SPATA18: variants seen among roughly 807,000 people sequenced by gnomAD.
SPATA18 encodes the protein mitochondria-eating protein.
A neutral mutation model predicts 68.1 loss-of-function variants in SPATA18; 54 were observed. The observed-to-expected ratio is 0.79, with a 90% confidence interval of 0.64 to 0.99. The LOEUF is 0.99. Ranked by LOEUF, SPATA18 falls within the 50% of genes least tolerant of loss-of-function variation. The pLI, the probability that SPATA18 is intolerant of heterozygous loss-of-function variation, is 0.00. For synonymous variants in SPATA18, 242 were observed against 244.8 expected, an observed-to-expected ratio of 0.99 and a Z score of 0.11; for missense variants, 724 against 681.1, an observed-to-expected ratio of 1.06 and a Z score of -0.70.
intron 3 of SPATA18, among the ~76,000 whole-genome samples, chr4:52,061,700 T>A (rs957986883): frequency 4.6e-5 from 7 of 152,040 alleles, no homozygotes; most frequent in African/African-American, 1.4e-4. Flanking sequence ...GTTTTGCTGA[T>A]CTAAAAGGTT....
chr4:52,078,964 C>A, intron 8 of SPATA18, 71 bp downstream of exon 8: 2 of 1,379,682 alleles, frequency 1.4e-6, no homozygotes, highest in Non-Finnish European at 1.9e-6. Context: ...ACTAATAACT[C>A]AGAAATCCAT....
chr4:52,084,032 C>T (rs935236012), intron 10 of SPATA18, among the ~76,000 whole-genome samples: 1 of 138,144 alleles, frequency 7.2e-6, no homozygotes, highest in Non-Finnish European at 1.6e-5. Flanking sequence ...AACCACCACA[C>T]CCGGCCTGAG....
intron 4 of SPATA18, among the ~76,000 whole-genome samples, chr4:52,068,301 C>A (rs1429632799): frequency 6.6e-6 from 1 of 152,126 alleles, no homozygotes; most frequent in East Asian, 1.9e-4. Context: ...GCTTTCTTTT[C>A]ATTTTTAGAC....
rs148916129 is a variant in SPATA18 at position 52,069,302 on chromosome 4, A to C, written c.423-519A>C. Among the ~76,000 whole-genome samples the C allele has an allele frequency of 3.5e-4, 53 of 152,354 alleles. No individual in the cohort carries two copies. In the East Asian group the frequency reaches 5.6e-3, roughly 16 times the overall value. On this transcript the variant is annotated intron_variant, in intron 4 of 12. Coordinates refer to ENST00000295213, the MANE Select transcript of SPATA18 (RefSeq NM_145263.4). ...AGAATTTGTGCTCAATAAGTAGTAGAAGTCAGAGGCAGGAAGACATGAAGT... is the reference window on the plus strand; with the variant it reads ...AGAATTTGTGCTCAATAAGTAGTAGCAGTCAGAGGCAGGAAGACATGAAGT...
intron 10 of SPATA18, 25 bp downstream of exon 10, chr4:52,082,535 A>G (rs1028282104): frequency 2.3e-5 from 37 of 1,613,846 alleles, no homozygotes; most frequent in Non-Finnish European, 3.0e-5. Context: ...CATAGTGACA[A>G]TTCATCCCAA....
At chr4:52,087,819 A>G (rs765330754) in intron 11 of SPATA18, among the ~76,000 whole-genome samples, 17 of 152,188 alleles carry the variant, frequency 1.1e-4, no homozygotes, top group Non-Finnish European at 2.9e-5. Flanking sequence ...AGTCAGTGGT[A>G]GCTTGATGGA....
chr4:52,077,882 G>A lies in SPATA18; in HGVS notation c.1020+842G>A, dbSNP rs1452172188. On this transcript the variant is annotated intron_variant, in intron 7 of 12. Transcript: ENST00000295213. ...TGGGTTAGTGTCATACTAAGATACTGAGAGTTCATGAGGAGAATTGTTAAA... is the reference window on the plus strand; with the variant it reads ...TGGGTTAGTGTCATACTAAGATACTAAGAGTTCATGAGGAGAATTGTTAAA... 2.6e-5 allele frequency among the ~76,000 whole-genome samples: 4 copies of A among 152,126 alleles called. No individual in the cohort carries two copies. The South Asian group carries it at 6.2e-4, about 24-fold the overall frequency.
chr4:52,094,861 T>A lies in SPATA18; in HGVS notation c.1610-19T>A. 1 of 1,613,952 alleles carries A rather than the reference T, an allele frequency of 6.2e-7. No individual in the cohort carries two copies. The highest frequency in any genetic ancestry group is 1.3e-5 in the African/African-American group (1 of 75,046). On this transcript the variant is annotated intron_variant, in intron 12 of 12. Coordinates refer to ENST00000295213, the MANE Select transcript of SPATA18 (RefSeq NM_145263.4). Reference sequence around the variant, plus strand: ...GAAGAAAGTGACCATAATAATGAACTGTCTATTTTTCTCCCTAGGATTTTA... The same window carrying A: ...GAAGAAAGTGACCATAATAATGAACAGTCTATTTTTCTCCCTAGGATTTTA...
intron 1 of SPATA18, among the ~76,000 whole-genome samples, chr4:52,059,957 A>G (rs1375755129): frequency 2.6e-5 from 4 of 152,160 alleles, no homozygotes; most frequent in Non-Finnish European, 5.9e-5. Context: ...ATAAAAAACA[A>G]CCTCCAAATC....
intron 7 of SPATA18, 133 bp from the exon 8 acceptor site, chr4:52,078,602 G>T: frequency 1.4e-6 from 1 of 710,352 alleles, no homozygotes; most frequent in Non-Finnish European, 2.2e-6. Flanking sequence ...GACTAAAAAT[G>T]TTTTTGATCA....
At chr4:52,085,077 A>G in intron 11 of SPATA18, 78 bp downstream of exon 11, 1 of 1,165,928 alleles carries the variant, frequency 8.6e-7, no homozygotes, top group South Asian at 1.3e-5. Context: ...AGCAATACAA[A>G]AGAGGTGATT....
intron 5 of SPATA18, among the ~76,000 whole-genome samples, chr4:52,071,436 A>T (rs368804208): frequency 6.6e-6 from 1 of 152,182 alleles, no homozygotes; most frequent in Non-Finnish European, 1.5e-5. Flanking sequence ...TCATATTCCA[A>T]CTGTTCAGAG....
intron 7 of SPATA18, among the ~76,000 whole-genome samples, 184 bp downstream of exon 7, chr4:52,077,224 TTTCCTTCC>T (rs1304546799): frequency 6.6e-6 from 1 of 150,534 alleles, no homozygotes; most frequent in Admixed American, 6.6e-5. Context: ...TCCTTTCCTA[TTTCCTTCC>T]TTCCTTCCTT....
In SPATA18 at chr4:52,051,681, T is replaced by C. The variant is rs915802192; in HGVS notation, c.-24T>C. The C allele has an allele frequency of 6.8e-6, 11 of 1,612,804 alleles. No homozygotes were observed. The highest frequency in any genetic ancestry group is 9.3e-6 in the Non-Finnish European group (11 of 1,178,862). ...CCCCCCAAGTCTCCATCGCGCAGCG[T>C]GGGGCCGAGAGGAATAGTGAGCGAT... is the stretch of plus-strand genomic sequence containing the variant. On this transcript the variant is annotated 5_prime_UTR_variant, in exon 1 of 13. Transcript: ENST00000295213.
chr4:52,066,778 G>T (rs1739353857), intron 4 of SPATA18, among the ~76,000 whole-genome samples: 1 of 152,144 alleles, frequency 6.6e-6, no homozygotes, highest in African/African-American at 2.4e-5. Context: ...TCCTGCGTTA[G>T]TTTGCTGAAG....
chr4:52,062,224 C>A lies in SPATA18; in HGVS notation c.314C>A (p.Thr105Lys). 2.0e-6 allele frequency: 3 copies of A among 1,516,164 alleles called. No individual in the cohort carries two copies. The highest frequency in any genetic ancestry group is 1.9e-5 in the Admixed American group (1 of 51,986). The allele number at this position is 1,516,164 out of a possible 1,614,324, so 93.9% of individuals were successfully genotyped here. A position where few individuals can be genotyped will look rare whatever the true frequency, so the allele number is the denominator to read the frequency against. Residue 105 changes from threonine to lysine, a missense_variant, in exon 4 of 13, where the codon ACG (threonine) becomes AAG (lysine). By Grantham distance (78) the Thr-to-Lys change is moderately conservative (BLOSUM62 -1). Coordinates refer to ENST00000295213, the MANE Select transcript of SPATA18 (RefSeq NM_145263.4). Reference sequence around the variant, plus strand: ...TTTTTTGGTGTATCTTTCCAGGACACGTTTGATAGGGAGAGACATAAAGAT... The same window carrying A: ...TTTTTTGGTGTATCTTTCCAGGACAAGTTTGATAGGGAGAGACATAAAGAT... ...VDSKVPSLQD[T>K]FDRERHKDPS... is the part of the protein sequence containing the mutation.
chr4:52,076,742 C>G, intron 6 of SPATA18, 37 bp from the exon 7 acceptor site: 3 of 1,603,074 alleles, frequency 1.9e-6, no homozygotes, highest in Non-Finnish European at 2.6e-6. Context: ...AGAAGCAAAT[C>G]AAAGGATTTC....
chr4:52,068,357 A>G (rs1026067634), intron 4 of SPATA18, among the ~76,000 whole-genome samples: 5 of 152,164 alleles, frequency 3.3e-5, no homozygotes, highest in African/African-American at 1.2e-4. Flanking sequence ...ATACCGTGTG[A>G]CAGGAACTGT....
Position 52,060,486 on chromosome 4 carries a change from G to T in SPATA18, c.155G>T (p.Gly52Val). ...ELIEQVAKVQ[G>V]QLFGILTAAA... ...ATTGAGCAAGTTGCCAAGGTGCAGG[G>T]ACAACTCTTTGGGATCCTCACAGCA... Residue 52 changes from glycine (G) to valine (V), a missense_variant, in exon 2 of 13, where the codon GGA becomes GTA. Gly to Val is a moderately radical substitution (Grantham distance 109). Transcript: ENST00000295213. The T allele has an allele frequency of 6.2e-7, 1 of 1,614,026 alleles. No homozygotes were observed. Among genetic ancestry groups the T allele is most frequent in the Non-Finnish European group, 8.5e-7 (1 of 1,179,960 alleles).
Sources: allele counts gnomAD v4.1 joint callset (sites outside exome capture counted in the v4.1 genomes callset), GRCh38; gene constraint gnomAD v4.1.1; transcripts MANE v1.5; gene names NCBI Gene and HGNC (gene_info 2026-07-23, HGNC 2026-07-21).